Variants in DLG2 observed in about 807,000 individuals in gnomAD.
DLG2 encodes the protein disks large homolog 2.
DLG2 carries 45 observed loss-of-function variants against 132.5 expected under a neutral mutation model. The observed-to-expected ratio is 0.34, with a 90% confidence interval of 0.27 to 0.44. DLG2 has a LOEUF of 0.44. Among genes scored for constraint, DLG2 ranks in the 20% least tolerant of loss-of-function variants. DLG2 has a pLI of 1.00. For synonymous variants in DLG2, 424 were observed against 419.6 expected (o/e 1.01, Z -0.13); for missense variants, 1,045 against 1,196.9 (o/e 0.87, Z 1.87).
chr11:84,965,324 T>C (rs758489952), intron 6 of DLG2, among the ~76,000 whole-genome samples: 1 of 152,016 alleles, frequency 6.6e-6, no homozygotes, highest in African/African-American at 2.4e-5. Flanking sequence ...AAAAAAATTA[T>C]GATATCAAAT....
At chr11:83,824,152 T>C (rs909165647) in intron 17 of DLG2, among the ~76,000 whole-genome samples, 1 of 152,164 alleles carries the variant, frequency 6.6e-6, no homozygotes, top group Non-Finnish European at 1.5e-5. Flanking sequence ...GTGCTGAGCA[T>C]ATATTCAATA....
intron 11 of DLG2, among the ~76,000 whole-genome samples, chr11:84,014,499 T>C (rs531772956): frequency 9.2e-5 from 14 of 152,326 alleles, no homozygotes; most frequent in African/African-American, 3.4e-4. Context: ...ATCTTCTCTG[T>C]ATCTGACCAA....
chr11:85,556,455 T>C (rs553124353), intron 3 of DLG2, among the ~76,000 whole-genome samples: 9 of 152,068 alleles, frequency 5.9e-5, no homozygotes, highest in African/African-American at 1.7e-4. Flanking sequence ...AAAGGCATTA[T>C]ATCAAACAGA....
At chr11:84,289,255 C>A (rs1345302662) in intron 7 of DLG2, among the ~76,000 whole-genome samples, 5 of 152,038 alleles carry the variant, frequency 3.3e-5, no homozygotes, top group Admixed American at 2.0e-4. Flanking sequence ...AAAGCACAGT[C>A]ATTAACGAAC....
intron 16 of DLG2, among the ~76,000 whole-genome samples, chr11:83,866,499 T>C (rs1305857085): frequency 6.6e-6 from 1 of 152,118 alleles, no homozygotes; most frequent in African/African-American, 2.4e-5. Context: ...ATGTCATGGG[T>C]GAGCATATTA....
intron 6 of DLG2, chr11:84,922,979 CA>C (rs1768900029): frequency 6.8e-7 from 1 of 1,477,300 alleles, no homozygotes; most frequent in Non-Finnish European, 9.4e-7. Flanking sequence ...CCTGCTCAGC[CA>C]GCAATCCGAA....
intron 18 of DLG2, among the ~76,000 whole-genome samples, chr11:83,682,654 C>G (rs2079026277): frequency 6.6e-6 from 1 of 152,150 alleles, no homozygotes; most frequent in African/African-American, 2.4e-5. Flanking sequence ...AGGGTTAAAG[C>G]TCTTAATAGT....
chr11:85,086,365 C>T (rs1420867930), intron 6 of DLG2, among the ~76,000 whole-genome samples: 1 of 152,046 alleles, frequency 6.6e-6, no homozygotes. Context: ...GTTTATGGAA[C>T]ATGGGATGAA....
intron 7 of DLG2, among the ~76,000 whole-genome samples, chr11:84,360,711 T>G (rs780657410): frequency 6.6e-6 from 1 of 151,822 alleles, no homozygotes; most frequent in Non-Finnish European, 1.5e-5. Flanking sequence ...AGGACTATCA[T>G]GAACAGACAG....
chr11:84,835,642 T>C (rs950900725), intron 6 of DLG2, among the ~76,000 whole-genome samples: 3 of 151,782 alleles, frequency 2.0e-5, no homozygotes, highest in Admixed American at 6.6e-5. Context: ...CTTCTCAGCC[T>C]TCATCATACA....
chr11:83,499,786 T>A (rs1174067122), intron 21 of DLG2, among the ~76,000 whole-genome samples: 5 of 140,210 alleles, frequency 3.6e-5, no homozygotes, highest in Non-Finnish European at 6.1e-5. Flanking sequence ...TATATATATA[T>A]TATATATATA....
chr11:83,728,229 A>C (rs2090375890), intron 18 of DLG2, among the ~76,000 whole-genome samples: 2 of 152,122 alleles, frequency 1.3e-5, no homozygotes, highest in South Asian at 4.1e-4. Flanking sequence ...TAAAATGCTC[A>C]CCTGATCTTG....
At chr11:83,489,476 A>G (rs2093716716) in intron 21 of DLG2, among the ~76,000 whole-genome samples, 1 of 151,946 alleles carries the variant, frequency 6.6e-6, no homozygotes, top group South Asian at 2.1e-4. Flanking sequence ...AAACAAACAA[A>G]TTATAAAACA....
At chr11:85,546,744 A>G (rs1426961595) in intron 3 of DLG2, among the ~76,000 whole-genome samples, 1 of 137,374 alleles carries the variant, frequency 7.3e-6, no homozygotes, top group East Asian at 2.2e-4. Context: ...TCCATTATGT[A>G]ATGGCCTTCT....
chr11:85,390,730 C>T (rs1047280409), intron 3 of DLG2, among the ~76,000 whole-genome samples: 1 of 151,980 alleles, frequency 6.6e-6, no homozygotes, highest in African/African-American at 2.4e-5. Context: ...TTTAAAAATT[C>T]TTTCAACTAA....
intron 16 of DLG2, among the ~76,000 whole-genome samples, chr11:83,840,505 G>A (rs1025628942): frequency 1.3e-5 from 2 of 152,174 alleles, no homozygotes; most frequent in Non-Finnish European, 2.9e-5. Flanking sequence ...GGCAAAGCAG[G>A]ATGAGAAGGA....
intron 6 of DLG2, among the ~76,000 whole-genome samples, chr11:85,038,171 G>A (rs2061568905): frequency 1.3e-5 from 2 of 152,036 alleles, no homozygotes; most frequent in South Asian, 4.1e-4. Context: ...TCACATTAGA[G>A]GAGAATAAAG....
chr11:84,955,793 T>C (rs2051578730), intron 6 of DLG2: 1 of 152,204 alleles, frequency 6.6e-6, no homozygotes. Flanking sequence ...CTCATAGAGA[T>C]AACAGATGCC....
chr11:85,402,039 T>A (rs2152965745), intron 3 of DLG2, among the ~76,000 whole-genome samples: 1 of 151,338 alleles, frequency 6.6e-6, no homozygotes, highest in South Asian at 2.1e-4. Context: ...GCTAAGACAA[T>A]CCTAAACAAA....
Sources: allele counts gnomAD v4.1 joint callset (sites outside exome capture counted in the v4.1 genomes callset), GRCh38; gene constraint gnomAD v4.1.1; transcripts MANE v1.5; gene names NCBI Gene and HGNC (gene_info 2026-07-23, HGNC 2026-07-21).